WDR33: variants seen among roughly 807,000 people sequenced by gnomAD.
The protein encoded by WDR33 is WD repeat domain 33.
Under a neutral mutation model 164.9 loss-of-function variants are expected in WDR33, and 47 were observed. The ratio of observed to expected loss-of-function variants is 0.29; its 90% CI spans 0.23 to 0.36. WDR33 has a LOEUF of 0.36. WDR33 is among the 10% of genes least tolerant of loss of function. The probability of loss-of-function intolerance (pLI) is 1.00; values close to 1 mark genes in which losing one functional copy is unlikely to be tolerated. For synonymous variants in WDR33, 505 were observed against 589.0 expected (o/e 0.86, Z 2.06); for missense variants, 1,137 against 1,754.1 (o/e 0.65, Z 6.28).
At position 127,723,396 on chromosome 2, in the gene WDR33, T is replaced by G. The variant is rs775569847; in HGVS notation, c.1197-49A>C. On this transcript the variant is annotated intron_variant, in intron 11 of 21. Coordinates refer to ENST00000322313, the MANE Select transcript of WDR33 (RefSeq NM_018383.5). This position sits in a 1 kb window ranked among gnomAD's most constrained non-coding sequence, Gnocchi z 5.9. ...AAGAAGCATGGCTTCACTATTTTTTTGGGCACTAAACAGTACTAGGCAGAC... is the reference window on the plus strand; with the variant it reads ...AAGAAGCATGGCTTCACTATTTTTTGGGGCACTAAACAGTACTAGGCAGAC... The G allele has an allele frequency of 1.2e-5, 19 of 1,528,184 alleles. No individual in the cohort carries two copies. The highest frequency in any genetic ancestry group is 3.4e-5 in the Admixed American group (2 of 59,656). 94.7% of individuals were successfully genotyped at this position (1,528,184 alleles called of 1,614,324 possible). A position where few individuals can be genotyped will look rare whatever the true frequency, so the allele number is the denominator to read the frequency against.
Position 127,738,228 on chromosome 2 carries a change from T to C in WDR33, c.725-11451A>G, listed in dbSNP as rs1410475663. ...ATCTTAACAAACATCTCCATTTCTG[T>C]TTCAAAGAAAAATGTAATCTGAGAA... On this transcript the variant is annotated intron_variant, in intron 7 of 21. Transcript: ENST00000322313. The surrounding 1 kb of genome is among the most constrained non-coding windows in gnomAD (Gnocchi z 4.4). Among the ~76,000 whole-genome samples the C allele has an allele frequency of 6.6e-6, 1 of 152,186 alleles. No individual in the cohort carries two copies. The highest frequency in any genetic ancestry group is 1.9e-4 in the East Asian group (1 of 5,198).
Position 127,770,798 on chromosome 2 carries a change from A to G in WDR33, c.184T>C (p.Ser62Pro). The change falls in exon 2 of 22, where the codon TCT becomes CCT. Residue 62 changes from serine (S) to proline (P), a missense_variant. By Grantham distance (74) the Ser-to-Pro change is moderately conservative (BLOSUM62 -1). Coordinates refer to ENST00000322313, the MANE Select transcript of WDR33 (RefSeq NM_018383.5). This position sits in a 1 kb window ranked among gnomAD's most constrained non-coding sequence, Gnocchi z 4.9. The stretch of plus-strand genomic sequence containing the variant: ...CTTACCTCCAAATACTTAATTACAG[A>G]TGGATTGTAGTCTATGGTTTTTCGG... ...VNRKTIDYNP[S>P]VIKYLENRIW... The G allele has an allele frequency of 6.2e-7, 1 of 1,614,074 alleles. No homozygotes were observed. Among genetic ancestry groups the G allele is most frequent in the Non-Finnish European group, 8.5e-7 (1 of 1,179,970 alleles).
At chr2:127,737,252 T>C (rs1686871413) in intron 7 of WDR33, 7 of 985,254 alleles carry the variant, frequency 7.1e-6, no homozygotes, top group South Asian at 9.4e-5. Context: ...ACCAATATCA[T>C]AGAGAACATC....
Position 127,719,597 on chromosome 2 carries a change from T to C in WDR33, c.2428A>G (p.Met810Val). Residue 810 changes from methionine to valine, a missense_variant, in exon 16 of 22, where the codon ATG becomes GTG. Coordinates refer to ENST00000322313, the MANE Select transcript of WDR33 (RefSeq NM_018383.5). The surrounding 1 kb of genome is among the most constrained non-coding windows in gnomAD (Gnocchi z 6.5). Reference protein sequence around the residue: ...GMIMGHPPQEMRGPHPPGGLL... With the variant: ...GMIMGHPPQEVRGPHPPGGLL... Reference sequence around the variant, plus strand: ...CCACCTGGAGGGTGAGGTCCTCTCATCTCTTGAGGCGGGTGGCCCATAATC... The same window carrying C: ...CCACCTGGAGGGTGAGGTCCTCTCACCTCTTGAGGCGGGTGGCCCATAATC... 6.2e-7 allele frequency: 1 copy of C among 1,613,690 alleles called. No homozygotes were observed. Among genetic ancestry groups the C allele is most frequent in the Non-Finnish European group, 8.5e-7 (1 of 1,179,910 alleles).
At chr2:127,762,867 TA>T in intron 7 of WDR33, 194 bp downstream of exon 7, 1 of 1,394,390 alleles carries the variant, frequency 7.2e-7, no homozygotes, top group African/African-American at 1.5e-5. Flanking sequence ...AATTCAAAGA[TA>T]ACACTGGTAG....
intron 7 of WDR33, chr2:127,737,017 G>C: frequency 2.0e-6 from 2 of 985,318 alleles, no homozygotes; most frequent in Non-Finnish European, 2.4e-6. Flanking sequence ...TGTATAAAAT[G>C]TGTGTCAATC....
intron 1 of WDR33, among the ~76,000 whole-genome samples, chr2:127,780,848 T>G (rs1480837437): frequency 6.6e-6 from 1 of 152,048 alleles, no homozygotes; most frequent in Non-Finnish European, 1.5e-5. Context: ...AAATAATTAA[T>G]TTATTAATAG....
At chr2:127,788,327 G>A (rs1322756638) in intron 1 of WDR33, among the ~76,000 whole-genome samples, 7 of 115,234 alleles carry the variant, frequency 6.1e-5, no homozygotes, top group East Asian at 5.7e-4. Flanking sequence ...CGGACGGGGC[G>A]GCTGGCCGGG....
chr2:127,701,825 G>T lies in WDR33; in HGVS notation c.*4498C>A. The T allele has an allele frequency of 2.7e-6, 4 of 1,457,676 alleles. No individual in the cohort carries two copies. Among genetic ancestry groups the T allele is most frequent in the Non-Finnish European group, 3.6e-6 (4 of 1,109,146 alleles). 90.3% of individuals were successfully genotyped at this position (1,457,676 alleles called of 1,614,324 possible). ...TCGGCCTAGCCGCGCTCTACGCACCGGTGTTGCTGCTGCGCGCGCGCAAGT... is the reference window on the plus strand; with the variant it reads ...TCGGCCTAGCCGCGCTCTACGCACCTGTGTTGCTGCTGCGCGCGCGCAAGT... On this transcript the variant is annotated 3_prime_UTR_variant, in exon 22 of 22. Coordinates refer to ENST00000322313, the MANE Select transcript of WDR33 (RefSeq NM_018383.5).
At position 127,750,683 on chromosome 2, in the gene WDR33, T is replaced by A. The variant is rs868642118; in HGVS notation, c.724+12379A>T. Reference sequence around the variant, plus strand: ...AAAAAAAAAAAAAAAAAAAAATATATATATATATATATATATATATATATA... The same window carrying A: ...AAAAAAAAAAAAAAAAAAAAATATAAATATATATATATATATATATATATA... On this transcript the variant is annotated intron_variant, in intron 7 of 21. Transcript: ENST00000322313. Among the ~76,000 whole-genome samples the A allele has an allele frequency of 9.1e-3, 328 of 36,178 alleles. 1 individual carries two copies. Among genetic ancestry groups the A allele is most frequent in the African/African-American group, 0.018 (94 of 5,324 alleles). The allele number at this position is 36,178 out of a possible 152,430, so 23.7% of individuals were successfully genotyped here.
Position 127,703,640 on chromosome 2 carries a change from T to A in WDR33, c.*2683A>T, listed in dbSNP as rs569459223. ...GTTACCTACCTCAGGAGGCTGCTTGTGAGAGAGCAAATGCAGTATCTTCAG... is the reference window on the plus strand; with the variant it reads ...GTTACCTACCTCAGGAGGCTGCTTGAGAGAGAGCAAATGCAGTATCTTCAG... On this transcript the variant is annotated 3_prime_UTR_variant, in exon 22 of 22. Coordinates refer to ENST00000322313, the MANE Select transcript of WDR33 (RefSeq NM_018383.5). 31 of 167,190 alleles carry A rather than the reference T, an allele frequency of 1.9e-4. No individual in the cohort carries two copies. Among genetic ancestry groups the A allele is most frequent in the African/African-American group, 7.0e-4 (29 of 41,568 alleles). 10.4% of individuals were successfully genotyped at this position (167,190 alleles called of 1,614,324 possible). A position where few individuals can be genotyped will look rare whatever the true frequency, so the allele number is the denominator to read the frequency against.
chr2:127,798,262 G>A (rs1380178209), intron 1 of WDR33, among the ~76,000 whole-genome samples: 1 of 151,416 alleles, frequency 6.6e-6, no homozygotes, highest in African/African-American at 2.4e-5. Context: ...CAGCTACCAG[G>A]GGGGCTGAGG....
chr2:127,781,630 G>A (rs1027928677), intron 1 of WDR33, among the ~76,000 whole-genome samples: 4 of 152,038 alleles, frequency 2.6e-5, no homozygotes, highest in Admixed American at 2.6e-4. Context: ...AAATGCATGT[G>A]AATCTACAAT....
chr2:127,701,741 G>T lies in WDR33; in HGVS notation c.*4582C>A. On this transcript the variant is annotated 3_prime_UTR_variant, in exon 22 of 22. Coordinates refer to ENST00000322313, the MANE Select transcript of WDR33 (RefSeq NM_018383.5). ...CCGGCCTGACGTGCCTCCCGAGCGT[G>T]ACGCGCGGGCAGCGGCTGGCGGCGG... The T allele has an allele frequency of 7.1e-7, 1 of 1,411,412 alleles. No individual in the cohort carries two copies. Among genetic ancestry groups the T allele is most frequent in the Non-Finnish European group, 9.2e-7 (1 of 1,082,426 alleles). 87.4% of individuals were successfully genotyped at this position (1,411,412 alleles called of 1,614,324 possible).
intron 7 of WDR33, among the ~76,000 whole-genome samples, chr2:127,750,651 A>T (rs1308786275): frequency 6.5e-5 from 1 of 15,294 alleles, no homozygotes; most frequent in East Asian, 1.8e-3. Context: ...ACTCCATCTT[A>T]AAAAAAAAAA....
At chr2:127,748,837 T>C (rs939895370) in intron 7 of WDR33, among the ~76,000 whole-genome samples, 1 of 146,796 alleles carries the variant, frequency 6.8e-6, no homozygotes, top group East Asian at 2.0e-4. Flanking sequence ...CTCGATCTCC[T>C]GGGCTCAAGT....
intron 1 of WDR33, among the ~76,000 whole-genome samples, chr2:127,809,428 C>CTTTTTTTT (rs70985478): frequency 1.1e-4 from 10 of 94,616 alleles, no homozygotes; most frequent in African/African-American, 2.2e-4. Context: ...AGCCAAATTC[C>CTTTTTTTT]TTTTTTTTTT....
chr2:127,735,631 GCTA>G lies in WDR33; in HGVS notation c.725-8857_725-8855del, dbSNP rs2105395816. 1.0e-6 allele frequency: 1 copy of G among 985,726 alleles called. No homozygotes were observed. Among genetic ancestry groups the G allele is most frequent in the Non-Finnish European group, 1.2e-6 (1 of 829,918 alleles). 61.1% of individuals were successfully genotyped at this position (985,726 alleles called of 1,614,324 possible). A position where few individuals can be genotyped will look rare whatever the true frequency, so the allele number is the denominator to read the frequency against. Reference sequence around the variant, plus strand: ...TGTTAAACATTAACAGCAAACTCAGGCTACTTCTAGCCACAAGAACATAAAATG... The same window carrying G: ...TGTTAAACATTAACAGCAAACTCAGGCTTCTAGCCACAAGAACATAAAATG... On this transcript the variant is annotated intron_variant, in intron 7 of 21. Coordinates refer to ENST00000322313, the MANE Select transcript of WDR33 (RefSeq NM_018383.5). The surrounding 1 kb of genome is among the most constrained non-coding windows in gnomAD (Gnocchi z 4.3).
rs1687765510 is a variant in WDR33 at position 127,764,546 on chromosome 2, T to C, written c.626+282A>G. The C allele has an allele frequency of 1.3e-6, 2 of 1,545,950 alleles. No homozygotes were observed. Among genetic ancestry groups the C allele is most frequent in the Non-Finnish European group, 8.7e-7 (1 of 1,145,566 alleles). ...GTAGATAATAAAAAGGAATAACGTA[T>C]ACACATTATTAATCATAAATGAAAA... On this transcript the variant is annotated intron_variant, in intron 6 of 21. Transcript: ENST00000322313. This position sits in a 1 kb window ranked among gnomAD's most constrained non-coding sequence, Gnocchi z 6.2.
Sources: allele counts gnomAD v4.1 joint callset (sites outside exome capture counted in the v4.1 genomes callset), GRCh38; gene constraint gnomAD v4.1.1; non-coding constraint Gnocchi (gnomAD v3.1); transcripts MANE v1.5; gene names NCBI Gene and HGNC (gene_info 2026-07-23, HGNC 2026-07-21).